Variants in IL23R observed in about 807,000 individuals in gnomAD.
IL23R encodes interleukin 23 receptor, also known as interleukin-23 receptor.
Under a neutral mutation model 56.9 loss-of-function variants are expected in IL23R, and 34 were observed. The observed-to-expected ratio is 0.60, with a 90% CI of 0.45 to 0.80. IL23R has a LOEUF of 0.80. IL23R is among the 30% of genes least tolerant of loss of function. IL23R has a pLI of 0.00. For synonymous variants in IL23R, 230 were observed against 249.2 expected (o/e 0.92, Z 0.73); for missense variants, 635 against 730.0 (o/e 0.87, Z 1.50).
intron 4 of IL23R, among the ~76,000 whole-genome samples, chr1:67,197,640 G>C (rs1648261866): frequency 6.6e-6 from 1 of 152,216 alleles, no homozygotes; most frequent in African/African-American, 2.4e-5. Context: ...GTCCATTCTT[G>C]CCTTGCTATA....
At chr1:67,218,346 G>C (rs1305693645) in intron 6 of IL23R, among the ~76,000 whole-genome samples, 1 of 141,164 alleles carries the variant, frequency 7.1e-6, no homozygotes, top group African/African-American at 2.7e-5. Flanking sequence ...GTGTGTGTGT[G>C]TGTGTGTGTG....
intron 1 of IL23R, among the ~76,000 whole-genome samples, chr1:67,157,840 G>T (rs1357972304): frequency 6.6e-6 from 1 of 152,176 alleles, no homozygotes; most frequent in Non-Finnish European, 1.5e-5. Flanking sequence ...AAAACTCCAT[G>T]GGGACCAAAC....
intron 3 of IL23R, among the ~76,000 whole-genome samples, chr1:67,178,060 C>T (rs939627097): frequency 3.9e-5 from 6 of 151,946 alleles, no homozygotes; most frequent in Non-Finnish European, 7.3e-5. Context: ...ATGATGCCTC[C>T]GGCTTTGTCC....
intron 3 of IL23R, among the ~76,000 whole-genome samples, chr1:67,173,130 G>T (rs190120509): frequency 3.1e-4 from 47 of 152,228 alleles, no homozygotes; most frequent in Admixed American, 5.2e-4. Context: ...ATACCTCAGA[G>T]TATTCTCTAG....
At chr1:67,153,042 C>T (rs1354203765) in intron 1 of IL23R, among the ~76,000 whole-genome samples, 4 of 152,170 alleles carry the variant, frequency 2.6e-5, no homozygotes, top group Non-Finnish European at 5.9e-5. Context: ...CCTCTTTGTA[C>T]TGCTGATAGA....
chr1:67,206,870 T>C, intron 5 of IL23R, 40 bp from the exon 6 acceptor site: 1 of 1,522,556 alleles, frequency 6.6e-7, no homozygotes, highest in East Asian at 2.5e-5. Flanking sequence ...TAGGCAAGTT[T>C]TAAACAGCCA....
chr1:67,182,109 T>A (rs1215316862), intron 3 of IL23R, among the ~76,000 whole-genome samples: 3 of 152,188 alleles, frequency 2.0e-5, no homozygotes, highest in Non-Finnish European at 4.4e-5. Context: ...AGTCTGTCCA[T>A]TCTCAGATCT....
chr1:67,176,126 T>C lies in IL23R; in HGVS notation c.367+6488T>C, dbSNP rs751361018. Among the ~76,000 whole-genome samples the C allele has an allele frequency of 3.3e-5, 5 of 152,140 alleles. No homozygotes were observed. The South Asian group carries it at 1.0e-3, about 32-fold the overall frequency. On this transcript the variant is annotated intron_variant, in intron 3 of 10. Transcript: ENST00000347310. Reference sequence around the variant, plus strand: ...AAGTCATCAATGACCTTAGCAACAATGGTTTTGGTGGAATTGTGGAGGCTG... The same window carrying C: ...AAGTCATCAATGACCTTAGCAACAACGGTTTTGGTGGAATTGTGGAGGCTG...
At chr1:67,147,142 A>G (rs1454124311) in intron 1 of IL23R, among the ~76,000 whole-genome samples, 1 of 152,068 alleles carries the variant, frequency 6.6e-6, no homozygotes, top group Non-Finnish European at 1.5e-5. Flanking sequence ...TAGAGGAGAC[A>G]ATGAGGCCCA....
At chr1:67,217,049 G>T (rs1417201582) in intron 6 of IL23R, among the ~76,000 whole-genome samples, 2 of 152,328 alleles carry the variant, frequency 1.3e-5, no homozygotes, top group South Asian at 2.1e-4. Context: ...CATACTGATA[G>T]TTGGGGAAGG....
At chr1:67,243,228 A>G (rs113860798) in intron 9 of IL23R, among the ~76,000 whole-genome samples, 3,064 of 152,272 alleles carry the variant, frequency 0.02, 46 homozygotes, top group Non-Finnish European at 0.032. Flanking sequence ...GGGTTATCAT[A>G]GGTAATTTGG....
chr1:67,245,381 T>C (rs1444918199), intron 9 of IL23R, among the ~76,000 whole-genome samples: 1 of 152,232 alleles, frequency 6.6e-6, no homozygotes, highest in Non-Finnish European at 1.5e-5. Context: ...ATCCTTGTCT[T>C]GTGCTGGTTT....
At chr1:67,251,483 C>T (rs994449362) in intron 9 of IL23R, among the ~76,000 whole-genome samples, 2 of 151,408 alleles carry the variant, frequency 1.3e-5, no homozygotes, top group Non-Finnish European at 2.9e-5. Flanking sequence ...GACATAAAGG[C>T]CTTTTAAATA....
At chr1:67,226,618 G>A (rs551402927) in intron 7 of IL23R, among the ~76,000 whole-genome samples, 25 of 152,294 alleles carry the variant, frequency 1.6e-4, no homozygotes, top group African/African-American at 4.8e-4. Context: ...ACAGGATAGC[G>A]GGGCATAGCA....
intron 9 of IL23R, among the ~76,000 whole-genome samples, chr1:67,255,518 A>C (rs1057268481): frequency 6.6e-6 from 1 of 152,058 alleles, no homozygotes; most frequent in Non-Finnish European, 1.5e-5. Flanking sequence ...AGCTCACTAC[A>C]GCCTTGACCT....
chr1:67,187,301 T>G (rs6588248), intron 4 of IL23R, among the ~76,000 whole-genome samples: 72,280 of 152,054 alleles, frequency 0.48, 17,853 homozygotes, highest in East Asian at 0.64. Context: ...CAAGCCTGAC[T>G]TACCTGCCTT....
chr1:67,231,114 A>G (rs1209096296), intron 7 of IL23R, among the ~76,000 whole-genome samples: 1 of 152,184 alleles, frequency 6.6e-6, no homozygotes, highest in African/African-American at 2.4e-5. Flanking sequence ...AAGGTCCAGA[A>G]AAGTCCATGT....
At chr1:67,236,387 G>GT (rs1242624441) in intron 7 of IL23R, among the ~76,000 whole-genome samples, 6 of 152,154 alleles carry the variant, frequency 3.9e-5, no homozygotes, top group East Asian at 1.9e-4. Flanking sequence ...GTTATCATGC[G>GT]TTTTTTCTGG....
chr1:67,151,744 G>A (rs1487313473), intron 1 of IL23R, among the ~76,000 whole-genome samples: 4 of 151,990 alleles, frequency 2.6e-5, no homozygotes, highest in Non-Finnish European at 4.4e-5. Flanking sequence ...CACGTTTGTC[G>A]AAGATCAGAT....
Sources: gnomAD v4.1 joint callset for allele counts (sites outside exome capture counted in the v4.1 genomes callset) on GRCh38, gnomAD v4.1.1 for gene constraint, MANE v1.5 for transcripts, NCBI Gene and HGNC (gene_info 2026-07-23, HGNC 2026-07-21) for gene names.